Variants in CNTN5 observed in about 807,000 individuals in gnomAD.
The protein encoded by CNTN5 is contactin 5.
Under a neutral mutation model 129.1 loss-of-function variants are expected in CNTN5, and 77 were observed. The observed-to-expected ratio is 0.60, with a 90% CI of 0.50 to 0.72. CNTN5 has a LOEUF of 0.72. CNTN5 is among the 30% of genes least tolerant of loss of function. CNTN5 has a pLI of 0.00. For synonymous variants in CNTN5, 509 were observed against 465.6 expected (o/e 1.09, Z -1.20); for missense variants, 1,478 against 1,328.8 (o/e 1.11, Z -1.75).
At chr11:99,344,407 T>G (rs1199294487) in intron 2 of CNTN5, among the ~76,000 whole-genome samples, 1 of 152,182 alleles carries the variant, frequency 6.6e-6, no homozygotes, top group East Asian at 1.9e-4. Context: ...AAACTCTTGT[T>G]ACTAATCACA....
chr11:99,256,619 A>T (rs960257615), intron 1 of CNTN5, among the ~76,000 whole-genome samples: 5 of 151,956 alleles, frequency 3.3e-5, no homozygotes, highest in Non-Finnish European at 7.4e-5. Flanking sequence ...ACCAATGGAA[A>T]ATGATTACAT....
intron 6 of CNTN5, among the ~76,000 whole-genome samples, chr11:99,858,132 C>T (rs376218125): frequency 6.6e-5 from 10 of 151,946 alleles, no homozygotes; most frequent in Admixed American, 1.3e-4. Flanking sequence ...GTTTATGTCA[C>T]GCCTCTTAAT....
intron 24 of CNTN5, among the ~76,000 whole-genome samples, chr11:100,354,045 C>T (rs893816104): frequency 1.8e-4 from 28 of 151,372 alleles, no homozygotes; most frequent in Admixed American, 1.7e-3. Flanking sequence ...AGATAATACA[C>T]GAGTATCTAA....
chr11:100,000,997 C>T (rs1939832794), intron 8 of CNTN5, among the ~76,000 whole-genome samples: 1 of 152,148 alleles, frequency 6.6e-6, no homozygotes, highest in Admixed American at 6.6e-5. Context: ...AACCATTTTT[C>T]CCTCCTAGGC....
chr11:99,753,560 C>T (rs546621874), intron 3 of CNTN5, among the ~76,000 whole-genome samples: 24 of 149,028 alleles, frequency 1.6e-4, no homozygotes, highest in Middle Eastern at 3.5e-3. Context: ...TTGGCTTCTG[C>T]TTGCACTAGT....
At chr11:99,402,134 G>T (rs1941844935) in intron 2 of CNTN5, among the ~76,000 whole-genome samples, 1 of 152,096 alleles carries the variant, frequency 6.6e-6, no homozygotes, top group African/African-American at 2.4e-5. Context: ...AGTGAGGATT[G>T]TTGTCATGTT....
chr11:99,977,460 C>G (rs560372300), intron 8 of CNTN5, among the ~76,000 whole-genome samples: 4 of 152,244 alleles, frequency 2.6e-5, no homozygotes, highest in African/African-American at 9.6e-5. Flanking sequence ...TGAAGAGCTA[C>G]CTGAGACTTG....
intron 1 of CNTN5, among the ~76,000 whole-genome samples, chr11:99,308,167 T>A (rs758832175): frequency 1.3e-5 from 2 of 152,258 alleles, no homozygotes; most frequent in Admixed American, 6.5e-5. Context: ...TTCTTTCTAG[T>A]ACTACTGGAA....
chr11:99,930,796 A>AACACACACACACACAC lies in CNTN5; in HGVS notation c.673+14655_673+14670dup, dbSNP rs59103010. ...AGATAAAAATAAACACATACACACAAACACACACACACACACACACACATT... is the reference window on the plus strand; with the variant it reads ...AGATAAAAATAAACACATACACACAAACACACACACACACACACACACACACACACACACACACATT... On this transcript the variant is annotated intron_variant, in intron 7 of 24. Transcript: ENST00000524871. 6.2e-3 allele frequency among the ~76,000 whole-genome samples: 932 copies of AACACACACACACACAC among 149,550 alleles called. 11 individuals carry two copies. The highest frequency in any genetic ancestry group is 0.01 in the African/African-American group (422 of 40,600).
intron 2 of CNTN5, among the ~76,000 whole-genome samples, chr11:99,468,314 C>T (rs1201349637): frequency 6.6e-6 from 1 of 152,156 alleles, no homozygotes. Flanking sequence ...ATATCTGGTA[C>T]TCTGAACCAA....
intron 9 of CNTN5, among the ~76,000 whole-genome samples, chr11:100,005,420 T>C (rs897447940): frequency 1.5e-4 from 23 of 152,268 alleles, no homozygotes; most frequent in Admixed American, 8.5e-4. Context: ...AACTTAGACC[T>C]ACCATTCTCC....
chr11:100,146,753 A>T (rs1296424876), intron 13 of CNTN5, among the ~76,000 whole-genome samples: 4 of 152,150 alleles, frequency 2.6e-5, no homozygotes. Flanking sequence ...AATAATTTTT[A>T]CCTTTAAGCT....
chr11:100,101,609 G>A (rs1945227037), intron 13 of CNTN5, among the ~76,000 whole-genome samples: 1 of 151,754 alleles, frequency 6.6e-6, no homozygotes, highest in African/African-American at 2.4e-5. Flanking sequence ...AGTTTTGGTG[G>A]TACAGGTGGT....
chr11:100,275,351 A>C (rs897777275), intron 18 of CNTN5, among the ~76,000 whole-genome samples: 1 of 152,244 alleles, frequency 6.6e-6, no homozygotes, highest in Admixed American at 6.5e-5. Flanking sequence ...TTATGTACTC[A>C]CTGTGCAGCT....
intron 2 of CNTN5, among the ~76,000 whole-genome samples, chr11:99,349,526 C>G (rs1231369600): frequency 6.6e-6 from 1 of 152,086 alleles, no homozygotes; most frequent in Non-Finnish European, 1.5e-5. Context: ...CATGTTTGGG[C>G]ATATGGTCTT....
intron 7 of CNTN5, among the ~76,000 whole-genome samples, chr11:99,937,450 G>A (rs1950340033): frequency 6.6e-6 from 1 of 152,198 alleles, no homozygotes; most frequent in Non-Finnish European, 1.5e-5. Context: ...AGTCTGGAGA[G>A]AGAAAACTGG....
chr11:100,325,411 C>T (rs1451752952), intron 21 of CNTN5, among the ~76,000 whole-genome samples: 3 of 152,044 alleles, frequency 2.0e-5, no homozygotes, highest in Admixed American at 2.0e-4. Flanking sequence ...CTTAAAGCAC[C>T]CATGAAACCA....
intron 1 of CNTN5, among the ~76,000 whole-genome samples, chr11:99,273,250 C>G (rs1010576312): frequency 6.6e-6 from 1 of 151,788 alleles, no homozygotes; most frequent in African/African-American, 2.4e-5. Context: ...TGATTTTACT[C>G]TCTAATCTCA....
intron 16 of CNTN5, among the ~76,000 whole-genome samples, chr11:100,251,872 A>G (rs1395575670): frequency 6.6e-6 from 1 of 152,142 alleles, no homozygotes; most frequent in African/African-American, 2.4e-5. Context: ...TAATGCTGCA[A>G]TAAACATAAG....
Sources: gnomAD v4.1 joint callset for allele counts (sites outside exome capture counted in the v4.1 genomes callset) on GRCh38, gnomAD v4.1.1 for gene constraint, MANE v1.5 for transcripts, NCBI Gene and HGNC (gene_info 2026-07-23, HGNC 2026-07-21) for gene names.